Variants in ZNF614 observed in about 807,000 individuals in gnomAD.
ZNF614 encodes the protein zinc finger protein 614.
In ZNF614, 11 loss-of-function variants were observed where a neutral mutation model predicts 12.8. That is an observed-to-expected ratio of 0.86 (90% CI 0.54 to 1.43). ZNF614 has a LOEUF of 1.43. Among genes scored for constraint, ZNF614 ranks in the 40% most tolerant of loss-of-function variants. ZNF614 has a pLI of 0.00. For synonymous variants in ZNF614, 237 were observed against 237.5 expected (o/e 1.00, Z 0.02); for missense variants, 664 against 708.8 (o/e 0.94, Z 0.72).
At chr19:52,027,454 C>A (rs531041554) in intron 1 of ZNF614, among the ~76,000 whole-genome samples, 1 of 152,332 alleles carries the variant, frequency 6.6e-6, no homozygotes, top group South Asian at 2.1e-4. Context: ...ATAAAACTGT[C>A]TTTGGTTATC....
Position 52,016,189 on chromosome 19 carries a change from A to G in ZNF614, c.1409T>C (p.Leu470Pro), listed in dbSNP as rs750791115. ...CGKAFSQKIC[L>P]IQHERCHTGK... ...TGTATGACATCTCTCATGTTGTATG[A>G]GGCATATTTTCTGGCTGAAGGCTTT... The change falls in exon 5 of 5, where the codon CTC (leucine) becomes CCC (proline). Residue 470 changes from leucine (L) to proline (P), a missense_variant. Transcript: ENST00000270649. 6.2e-7 allele frequency: 1 copy of G among 1,614,060 alleles called. No individual in the cohort carries two copies. Among genetic ancestry groups the G allele is most frequent in the South Asian group, 1.1e-5 (1 of 91,088 alleles).
chr19:52,026,512 G>A (rs553063593), intron 1 of ZNF614, among the ~76,000 whole-genome samples: 3 of 152,306 alleles, frequency 2.0e-5, no homozygotes, highest in East Asian at 1.9e-4. Context: ...GCGGAAGGCC[G>A]CGGGGACCTC....
rs370833607 is a variant in ZNF614 at position 52,016,423 on chromosome 19, G to C, written c.1175C>G (p.Ser392Cys). The stretch of plus-strand genomic sequence containing the variant: ...TATGTAAGATTTTTCTCCTGTGTGG[G>C]AGCGCTGATGTACAATGAGATTGCT... Reference protein sequence around the residue: ...VKSNLIVHQRSHTGEKSYICS... With the variant: ...VKSNLIVHQRCHTGEKSYICS... Residue 392 changes from serine (S) to cysteine (C), a missense_variant, in exon 5 of 5, where the codon TCC becomes TGC. Transcript: ENST00000270649. 6.2e-7 allele frequency: 1 copy of C among 1,614,058 alleles called. No homozygotes were observed. Among genetic ancestry groups the C allele is most frequent in the Non-Finnish European group, 8.5e-7 (1 of 1,180,000 alleles).
Position 52,025,829 on chromosome 19 carries a change from T to C in ZNF614, c.-84A>G. ...CATTTGCCATGAAGTTTTTGAAGTT[T>C]TCCTAGTCAGAAATATTAGTGTCCA... is the stretch of plus-strand genomic sequence containing the variant. On this transcript the variant is annotated 5_prime_UTR_variant, in exon 2 of 5. Coordinates refer to ENST00000270649, the MANE Select transcript of ZNF614 (RefSeq NM_025040.4). 3 of 1,498,776 alleles carry C rather than the reference T, an allele frequency of 2.0e-6. No homozygotes were observed. Among genetic ancestry groups the C allele is most frequent in the Admixed American group, 1.9e-5 (1 of 52,514 alleles). 92.8% of individuals were successfully genotyped at this position (1,498,776 alleles called of 1,614,324 possible).
Position 52,017,269 on chromosome 19 carries a change from A to G in ZNF614, c.329T>C (p.Leu110Pro). ...SVQQCNGQNT[L>P]RNIVHLSKTH... ...CTTGCTGAGATGTACAATATTTCTA[A>G]GTGTATTCTGTCCATTGCATTGCTG... Residue 110 changes from leucine to proline, a missense_variant, in exon 5 of 5, where the codon CTT (leucine) becomes CCT (proline). Transcript: ENST00000270649. 5 of 1,614,058 alleles carry G rather than the reference A, an allele frequency of 3.1e-6. No homozygotes were observed. The highest frequency in any genetic ancestry group is 1.6e-4 in the Middle Eastern group (1 of 6,062).
rs765085476 is a variant in ZNF614 at position 52,017,122 on chromosome 19, A to G, written c.476T>C (p.Ile159Thr). 5 of 1,614,202 alleles carry G rather than the reference A, an allele frequency of 3.1e-6. No individual in the cohort carries two copies. Among genetic ancestry groups the G allele is most frequent in the South Asian group, 2.2e-5 (2 of 91,088 alleles). ...ATGTAGAAGTGTTTTCTCACCTCCA[A>G]TAAACTCAACAGGGTTATTTATTCC... Reference protein sequence around the residue: ...RHGINNPVEFIGGEKTLLHGK... With the variant: ...RHGINNPVEFTGGEKTLLHGK... Residue 159 changes from isoleucine (I) to threonine (T), a missense_variant, in exon 5 of 5, where the codon ATT (isoleucine) becomes ACT (threonine). Physicochemically the swap from Ile to Thr is moderately conservative, Grantham distance 89. Transcript: ENST00000270649.
Position 52,017,992 on chromosome 19 carries a change from G to C in ZNF614, c.238+16C>G, listed in dbSNP as rs1568514311. 6.9e-6 allele frequency: 11 copies of C among 1,600,202 alleles called. No homozygotes were observed. The South Asian group carries it at 1.1e-4, about 16-fold the overall frequency. On this transcript the variant is annotated intron_variant, in intron 4 of 4. Transcript: ENST00000270649. ...TAAGACTCCTATAGCCACTGTCCTTGCTGGTTCTCACTTACCTGGACAATT... is the reference window on the plus strand; with the variant it reads ...TAAGACTCCTATAGCCACTGTCCTTCCTGGTTCTCACTTACCTGGACAATT...
At chr19:52,019,627 A>T (rs1014731308) in intron 2 of ZNF614, among the ~76,000 whole-genome samples, 1 of 152,232 alleles carries the variant, frequency 6.6e-6, no homozygotes, top group African/African-American at 2.4e-5. Context: ...ACATTTCAAT[A>T]ATAGAATCCA....
Position 52,016,384 on chromosome 19 carries a change from C to G in ZNF614, c.1214G>C (p.Gly405Ala), listed in dbSNP as rs1253737841. ...GEKSYICSEC[G>A]KGFTVKRTLV... Reference sequence around the variant, plus strand: ...AGTGCGTTTGACAGTGAAGCCTTTTCCACATTCGCTGCATATGTAAGATTT... The same window carrying G: ...AGTGCGTTTGACAGTGAAGCCTTTTGCACATTCGCTGCATATGTAAGATTT... Residue 405 changes from glycine to alanine, a missense_variant, in exon 5 of 5, where the codon GGA becomes GCA. Transcript: ENST00000270649. 6.2e-7 allele frequency: 1 copy of G among 1,613,692 alleles called. No homozygotes were observed. Among genetic ancestry groups the G allele is most frequent in the African/African-American group, 1.3e-5 (1 of 74,928 alleles).
At chr19:52,018,611 T>C (rs2086915760) in intron 2 of ZNF614, 117 bp from the exon 3 acceptor site, 16 of 1,133,084 alleles carry the variant, frequency 1.4e-5, no homozygotes, top group Non-Finnish European at 1.9e-5. Context: ...CTTTCTCAAA[T>C]ATACTTTGGT....
At chr19:52,018,526 T>G (rs1443268191) in intron 2 of ZNF614, 32 bp from the exon 3 acceptor site, 5 of 1,596,834 alleles carry the variant, frequency 3.1e-6, no homozygotes, top group Non-Finnish European at 4.3e-6. Context: ...CAATATGATA[T>G]AAACTCCTAT....
rs1441875411 is a variant in ZNF614 at position 52,016,896 on chromosome 19, A to T, written c.702T>A (p.Ser234Arg). 6.2e-7 allele frequency: 1 copy of T among 1,614,146 alleles called. No individual in the cohort carries two copies. Among genetic ancestry groups the T allele is most frequent in the African/African-American group, 1.3e-5 (1 of 75,052 alleles). Residue 234 changes from serine (S) to arginine (R), a missense_variant, in exon 5 of 5, where the codon AGT becomes AGA. Coordinates refer to ENST00000270649, the MANE Select transcript of ZNF614 (RefSeq NM_025040.4). ...TTCTGGATAATTTCTCACATTGACCACTTCCAGGATTCTCTTGTATACAAA... is the reference window on the plus strand; with the variant it reads ...TTCTGGATAATTTCTCACATTGACCTCTTCCAGGATTCTCTTGTATACAAA... The part of the protein sequence containing the change: ...ENICIQENPG[S>R]GQCEKLSRSV...
In ZNF614 at chr19:52,023,968, C is replaced by T. The variant is rs1468786823; in HGVS notation, c.15+1763G>A. 2.0e-5 allele frequency among the ~76,000 whole-genome samples: 3 copies of T among 152,088 alleles called. No individual in the cohort carries two copies. The South Asian group carries it at 6.2e-4, about 32-fold the overall frequency. Reference sequence around the variant, plus strand: ...GAGGTGATGGAAATTGAGCTTACCACCAATAGTTAATGAATTAATAAATTA... The same window carrying T: ...GAGGTGATGGAAATTGAGCTTACCATCAATAGTTAATGAATTAATAAATTA... On this transcript the variant is annotated intron_variant, in intron 2 of 4. Transcript: ENST00000270649.
In ZNF614 at chr19:52,014,509, C is replaced by A. The variant is rs777696313; in HGVS notation, c.*1331G>T. On this transcript the variant is annotated 3_prime_UTR_variant, in exon 5 of 5. Transcript: ENST00000270649. ...TCAGGTTTGATAATTTGCTACAGGG[C>A]TCACAAAACTCAAGAAAACAGCGTA... 5 of 152,256 alleles carry A rather than the reference C, an allele frequency of 3.3e-5. No individual in the cohort carries two copies. The highest frequency in any genetic ancestry group is 3.3e-4 in the Admixed American group (5 of 15,302). 9.4% of individuals were successfully genotyped at this position (152,256 alleles called of 1,614,324 possible). A position where few individuals can be genotyped will look rare whatever the true frequency, so the allele number is the denominator to read the frequency against.
Position 52,017,199 on chromosome 19 carries a change from G to A in ZNF614, c.399C>T (p.Tyr133=). The change falls in exon 5 of 5, where the codon TAC becomes TAT. Residue 133 remains tyrosine, a synonymous_variant. Coordinates refer to ENST00000270649, the MANE Select transcript of ZNF614 (RefSeq NM_025040.4). ...IVQNHDTFDL[Y]RKNLKSSLSL... ...TTAAACTTGATTTCAAATTTTTTCT[G>A]TACAAGTCAAATGTATCATGATTTT... 1 of 1,613,988 alleles carries A rather than the reference G, an allele frequency of 6.2e-7. No homozygotes were observed. Among genetic ancestry groups the A allele is most frequent in the Non-Finnish European group, 8.5e-7 (1 of 1,179,994 alleles).
In ZNF614 at chr19:52,013,486, A is replaced by G. The variant is rs1174939448; in HGVS notation, c.*2354T>C. 1.9e-5 allele frequency: 3 copies of G among 155,426 alleles called. No homozygotes were observed. Among genetic ancestry groups the G allele is most frequent in the African/African-American group, 7.2e-5 (3 of 41,470 alleles). 9.6% of individuals were successfully genotyped at this position (155,426 alleles called of 1,614,324 possible). On this transcript the variant is annotated 3_prime_UTR_variant, in exon 5 of 5. Transcript: ENST00000270649. ...ACATGGTGGTAAAAAAAAATAATAA[A>G]ACAACTATTCATCAACTCATATAAA...
chr19:52,021,176 C>A (rs2086930860), intron 2 of ZNF614, among the ~76,000 whole-genome samples: 1 of 152,166 alleles, frequency 6.6e-6, no homozygotes, highest in Non-Finnish European at 1.5e-5. Flanking sequence ...TAAACTACCT[C>A]ATTTCTCATT....
At chr19:52,024,620 C>CCTGTGCT (rs1289570194) in intron 2 of ZNF614, among the ~76,000 whole-genome samples, 1 of 152,146 alleles carries the variant, frequency 6.6e-6, no homozygotes, top group African/African-American at 2.4e-5. Context: ...TAGCCCTAAC[C>CCTGTGCT]CTGTGCTCGC....
Position 52,017,211 on chromosome 19 carries a change from T to C in ZNF614, c.387A>G (p.Thr129=), listed in dbSNP as rs150345195. 5 of 1,614,070 alleles carry C rather than the reference T, an allele frequency of 3.1e-6. No homozygotes were observed. In the African/African-American group the frequency reaches 6.7e-5, roughly 22 times the overall value. Residue 129 remains threonine (T), a synonymous_variant, in exon 5 of 5, where the codon ACA becomes ACG. Transcript: ENST00000270649. ...THFPIVQNHD[T]FDLYRKNLKS... ...TCAAATTTTTTCTGTACAAGTCAAA[T>C]GTATCATGATTTTGCACTATAGGAA...
Sources: allele counts gnomAD v4.1 joint callset (sites outside exome capture counted in the v4.1 genomes callset), GRCh38; gene constraint gnomAD v4.1.1; transcripts MANE v1.5; gene names NCBI Gene and HGNC (gene_info 2026-07-23, HGNC 2026-07-21).